The following HACD2 variants were observed in gnomAD, a reference collection of about 807,000 sequenced individuals.
HACD2 encodes the protein very-long-chain (3R)-3-hydroxyacyl-CoA dehydratase 2.
In HACD2, 15 loss-of-function variants were observed where a neutral mutation model predicts 31.0. The observed-to-expected ratio is 0.48, with a 90% CI of 0.32 to 0.75. The LOEUF is 0.75. Among genes scored for constraint, HACD2 ranks in the 30% least tolerant of loss-of-function variants. The pLI is 0.03. For missense variants in HACD2, 283 were observed against 313.0 expected, an observed-to-expected ratio of 0.90 and a Z score of 0.72; for synonymous variants, 115 against 122.2, an observed-to-expected ratio of 0.94 and a Z score of 0.39.
intron 3 of HACD2, among the ~76,000 whole-genome samples, chr3:123,566,047 C>G (rs904083895): frequency 6.6e-6 from 1 of 152,112 alleles, no homozygotes; most frequent in Non-Finnish European, 1.5e-5. Flanking sequence ...GATGAGCCCC[C>G]AAGCCACTTT....
chr3:123,576,903 G>C (rs2056913351), intron 2 of HACD2, among the ~76,000 whole-genome samples: 1 of 152,294 alleles, frequency 6.6e-6, no homozygotes, highest in South Asian at 2.1e-4. Flanking sequence ...ATTCATTAAA[G>C]GATCTGAAGA....
intron 4 of HACD2, among the ~76,000 whole-genome samples, chr3:123,503,392 C>T (rs189585608): frequency 6.6e-5 from 10 of 152,180 alleles, no homozygotes; most frequent in Admixed American, 1.3e-4. Context: ...GAGACTTCTT[C>T]CCCCAGAGGC....
chr3:123,582,441 G>A (rs1346983869), intron 1 of HACD2, 112 bp from the exon 2 acceptor site: 1 of 579,546 alleles, frequency 1.7e-6, no homozygotes, highest in East Asian at 3.2e-5. Flanking sequence ...CCTCAAGCAT[G>A]AGTAACCTGG....
In HACD2 at chr3:123,529,631, G is replaced by A. The variant is rs866946479; in HGVS notation, c.293-1157C>T. ...TAGTACCAGTTCTAGGGAGGCTGAGGCAAGAGGATTGCTTGAGTTTGGGAG... is the reference window on the plus strand; with the variant it reads ...TAGTACCAGTTCTAGGGAGGCTGAGACAAGAGGATTGCTTGAGTTTGGGAG... On this transcript the variant is annotated intron_variant, in intron 3 of 6. Transcript: ENST00000383657. Among the ~76,000 whole-genome samples, 78 of 152,282 alleles carry A rather than the reference G, an allele frequency of 5.1e-4. 1 individual carries two copies. Among genetic ancestry groups the A allele is most frequent in the African/African-American group, 1.9e-3 (78 of 41,566 alleles).
intron 4 of HACD2, among the ~76,000 whole-genome samples, chr3:123,510,901 A>G (rs1287508845): frequency 6.7e-6 from 1 of 149,968 alleles, no homozygotes; most frequent in Non-Finnish European, 1.5e-5. Context: ...GCGCAACAAG[A>G]GTTCCAATTT....
At chr3:123,524,933 C>A (rs892095114) in intron 4 of HACD2, among the ~76,000 whole-genome samples, 6 of 152,214 alleles carry the variant, frequency 3.9e-5, no homozygotes, top group Non-Finnish European at 7.3e-5. Context: ...ATGGAGACTA[C>A]AAGCTACCTA....
In HACD2 at chr3:123,556,436, CAA is replaced by C. The variant is rs34685425; in HGVS notation, c.292+11324_292+11325del. Among the ~76,000 whole-genome samples, 896 of 106,876 alleles carry C rather than the reference CAA, an allele frequency of 8.4e-3. 9 individuals carry two copies. The highest frequency in any genetic ancestry group is 0.025 in the African/African-American group (852 of 33,776). The allele number at this position is 106,876 out of a possible 152,430, so 70.1% of individuals were successfully genotyped here. ...TGGGTGACAGAGCAAGACTCCGTCT[CAA>C]AAAAAAAAAAAAAATGATATACAAT... On this transcript the variant is annotated intron_variant, in intron 3 of 6. Transcript: ENST00000383657.
chr3:123,495,784 A>T (rs967767157), intron 6 of HACD2, among the ~76,000 whole-genome samples: 1 of 152,196 alleles, frequency 6.6e-6, no homozygotes, highest in Non-Finnish European at 1.5e-5. Flanking sequence ...TAAGGGAGAA[A>T]GGGAAAGGTT....
Position 123,522,098 on chromosome 3 carries a change from G to T in HACD2, c.381+6288C>A, listed in dbSNP as rs555784483. Among the ~76,000 whole-genome samples, 7 of 152,166 alleles carry T rather than the reference G, an allele frequency of 4.6e-5. No homozygotes were observed. In the East Asian group the frequency reaches 1.4e-3, roughly 29 times the overall value. On this transcript the variant is annotated intron_variant, in intron 4 of 6. Coordinates refer to ENST00000383657, the MANE Select transcript of HACD2 (RefSeq NM_198402.5). ...AGGCAGGAGGATTGTGTGAGGCCAG[G>T]AATTGGAAACGAGCCTGGGCAATGG...
chr3:123,543,959 TA>T (rs2056524180), intron 3 of HACD2, among the ~76,000 whole-genome samples: 1 of 152,318 alleles, frequency 6.6e-6, no homozygotes, highest in Admixed American at 6.5e-5. Context: ...CTTGAGCCCA[TA>T]ATCAAGGCAC....
intron 3 of HACD2, among the ~76,000 whole-genome samples, chr3:123,543,164 T>C (rs1203190562): frequency 1.3e-5 from 2 of 152,178 alleles, no homozygotes; most frequent in Non-Finnish European, 2.9e-5. Flanking sequence ...TAAACTGGAT[T>C]TCCCCCCCTC....
chr3:123,523,805 C>T (rs1294246927), intron 4 of HACD2, among the ~76,000 whole-genome samples: 1 of 152,166 alleles, frequency 6.6e-6, no homozygotes, highest in African/African-American at 2.4e-5. Context: ...CACATGCCTG[C>T]TACAGACCCT....
intron 3 of HACD2, among the ~76,000 whole-genome samples, chr3:123,556,288 C>T (rs751628156): frequency 6.6e-6 from 1 of 151,864 alleles, no homozygotes; most frequent in African/African-American, 2.4e-5. Context: ...AGCACAAAAA[C>T]TAGCCAAGTG....
At chr3:123,547,772 C>T (rs1355242605) in intron 3 of HACD2, among the ~76,000 whole-genome samples, 2 of 152,204 alleles carry the variant, frequency 1.3e-5, no homozygotes, top group East Asian at 1.9e-4. Context: ...GCTGTTCAAA[C>T]GACAATAACG....
chr3:123,502,946 G>T (rs765044577), intron 4 of HACD2: 15 of 364,848 alleles, frequency 4.1e-5, no homozygotes, highest in Non-Finnish European at 6.6e-5. Context: ...CGAGGGGTGG[G>T]GATTTACAGG....
intron 2 of HACD2, 29 bp from the exon 3 acceptor site, chr3:123,567,809 G>A: frequency 7.1e-7 from 1 of 1,407,008 alleles, no homozygotes; most frequent in African/African-American, 1.5e-5. Context: ...AAAAAGAGGA[G>A]AATTAGTAAG....
intron 3 of HACD2, among the ~76,000 whole-genome samples, chr3:123,556,239 C>A (rs1013262895): frequency 6.6e-6 from 1 of 151,986 alleles, no homozygotes; most frequent in Non-Finnish European, 1.5e-5. Context: ...GAGTTCAAGA[C>A]CATCCCTGGC....
intron 5 of HACD2, among the ~76,000 whole-genome samples, chr3:123,501,955 C>G (rs2055907418): frequency 6.6e-6 from 1 of 152,186 alleles, no homozygotes; most frequent in South Asian, 2.1e-4. Context: ...CACTCTCCCT[C>G]AAAGTCCTTC....
chr3:123,546,145 C>T (rs893213983), intron 3 of HACD2, among the ~76,000 whole-genome samples: 3 of 152,112 alleles, frequency 2.0e-5, no homozygotes, highest in African/African-American at 7.2e-5. Context: ...AGATTTATGA[C>T]CACGTATATT....
Sources: allele counts gnomAD v4.1 joint callset (sites outside exome capture counted in the v4.1 genomes callset), GRCh38; gene constraint gnomAD v4.1.1; transcripts MANE v1.5; gene names NCBI Gene and HGNC (gene_info 2026-07-23, HGNC 2026-07-21).